Variants in NDUFA9 observed in about 807,000 individuals in gnomAD.
NDUFA9 encodes NADH dehydrogenase [ubiquinone] 1 alpha subcomplex subunit 9, mitochondrial.
In NDUFA9, 23 loss-of-function variants were observed where a neutral mutation model predicts 45.9. The observed-to-expected ratio is 0.50, with a 90% CI of 0.36 to 0.71. The LOEUF is 0.71. Ranked by LOEUF, NDUFA9 falls within the 30% of genes least tolerant of loss-of-function variation. The pLI is 0.00. For missense variants in NDUFA9, 466 were observed against 488.2 expected (o/e 0.95, Z 0.43); for synonymous variants, 176 against 170.5 (o/e 1.03, Z -0.25).
At chr12:4,674,542 G>A (rs1457339936) in intron 8 of NDUFA9, among the ~76,000 whole-genome samples, 1 of 152,146 alleles carries the variant, frequency 6.6e-6, no homozygotes, top group Non-Finnish European at 1.5e-5. Flanking sequence ...TGATAAAACA[G>A]ACTTTAAACC....
At chr12:4,683,098 TG>T (rs1341287546) in intron 9 of NDUFA9, among the ~76,000 whole-genome samples, 5 of 150,728 alleles carry the variant, frequency 3.3e-5, no homozygotes, top group Non-Finnish European at 7.4e-5. Context: ...CCCAGCTACT[TG>T]GGAGGCTGAG....
intron 8 of NDUFA9, among the ~76,000 whole-genome samples, chr12:4,676,587 A>G (rs1945921386): frequency 6.6e-6 from 1 of 152,200 alleles, no homozygotes; most frequent in Admixed American, 6.5e-5. Flanking sequence ...CAACTTAACA[A>G]GGGATGTGAA....
chr12:4,659,103 G>A lies in NDUFA9; in HGVS notation c.478G>A (p.Gly160Arg), dbSNP rs866070150. The A allele has an allele frequency of 6.2e-7, 1 of 1,612,056 alleles. No individual in the cohort carries two copies. ...AATTGCTCAACTGTCCAAGGAAGCT[G>A]GAGTTGAAAAATTCATTCATGTTTC... ...QAIAQLSKEAGVEKFIHVSHL... is the reference protein window; with the variant it reads ...QAIAQLSKEARVEKFIHVSHL... Residue 160 changes from glycine to arginine, a missense_variant, in exon 5 of 11, where the codon GGA becomes AGA. Gly to Arg is a moderately radical substitution (Grantham distance 125). Transcript: ENST00000266544.
In NDUFA9 at chr12:4,662,601, T is replaced by A. The variant is rs1416601245; in HGVS notation, c.621T>A (p.Phe207Leu). The A allele has an allele frequency of 1.9e-6, 3 of 1,613,822 alleles. No homozygotes were observed. Among genetic ancestry groups the A allele is most frequent in the Non-Finnish European group, 1.7e-6 (2 of 1,179,848 alleles). ...TTATCGTAAAGCCGTCGGACATCTT[T>A]GGAAGAGAGGATAGATTCCTTAATT... ...EAIIVKPSDIFGREDRFLNSF... is the reference protein window; with the variant it reads ...EAIIVKPSDILGREDRFLNSF... The change falls in exon 6 of 11, where the codon TTT becomes TTA. Residue 207 changes from phenylalanine to leucine, a missense_variant. Physicochemically the swap from Phe to Leu is conservative, Grantham distance 22. Transcript: ENST00000266544.
intron 9 of NDUFA9, among the ~76,000 whole-genome samples, chr12:4,683,149 T>C (rs1173311504): frequency 6.9e-6 from 1 of 145,528 alleles, no homozygotes; most frequent in East Asian, 2.0e-4. Context: ...GAATCCAGCC[T>C]GGACAACATA....
rs577495765 is a variant in NDUFA9, at chr12:4,685,080, G to A, written c.897-179G>A. 4.2e-6 allele frequency: 3 copies of A among 706,050 alleles called. No homozygotes were observed. In the South Asian group the frequency reaches 4.4e-5, roughly 10 times the overall value. 43.7% of individuals were successfully genotyped at this position (706,050 alleles called of 1,614,324 possible). A position where few individuals can be genotyped will look rare whatever the true frequency, so the allele number is the denominator to read the frequency against. ...ACAGCAGCCGACTGGGTTGGCTTGAGAGGAGATGGACCAAAAAGCAGAGGT... is the reference window on the plus strand; with the variant it reads ...ACAGCAGCCGACTGGGTTGGCTTGAAAGGAGATGGACCAAAAAGCAGAGGT... On this transcript the variant is annotated intron_variant, in intron 9 of 10. Transcript: ENST00000266544.
Position 4,687,304 on chromosome 12 carries a change from G to C in NDUFA9, c.*196G>C. ...CACTTAGAACTTGAGCATGATTTTT[G>C]TTAAACATATTTAATAATGATATAT... is the stretch of plus-strand genomic sequence containing the variant. On this transcript the variant is annotated 3_prime_UTR_variant, in exon 11 of 11. Coordinates refer to ENST00000266544, the MANE Select transcript of NDUFA9 (RefSeq NM_005002.5). 2.0e-6 allele frequency: 1 copy of C among 510,846 alleles called. No homozygotes were observed. The highest frequency in any genetic ancestry group is 3.5e-5 in the South Asian group (1 of 28,370). The allele number at this position is 510,846 out of a possible 1,614,324, so 31.6% of individuals were successfully genotyped here.
intron 9 of NDUFA9, 191 bp from the exon 10 acceptor site, chr12:4,685,068 G>A (rs762438947): frequency 2.6e-5 from 18 of 699,084 alleles, no homozygotes; most frequent in Non-Finnish European, 4.7e-5. Context: ...GCAGCCGACT[G>A]GGTTGGCTTG....
chr12:4,673,303 G>A (rs1335905616), intron 8 of NDUFA9, among the ~76,000 whole-genome samples: 1 of 152,140 alleles, frequency 6.6e-6, no homozygotes, highest in Non-Finnish European at 1.5e-5. Flanking sequence ...AAACCAGAAA[G>A]CCTCTTTTCC....
intron 8 of NDUFA9, among the ~76,000 whole-genome samples, chr12:4,681,895 A>G (rs1361449399): frequency 1.3e-5 from 2 of 152,160 alleles, no homozygotes; most frequent in Non-Finnish European, 1.5e-5. Flanking sequence ...GTCATGAAAC[A>G]TGCAATAAAA....
chr12:4,661,251 A>G (rs1945821679), intron 5 of NDUFA9, among the ~76,000 whole-genome samples: 2 of 152,172 alleles, frequency 1.3e-5, no homozygotes. Flanking sequence ...TTTTTCCTCT[A>G]CTGTCTTACA....
At chr12:4,653,094 T>A (rs1945768626) in intron 1 of NDUFA9, among the ~76,000 whole-genome samples, 1 of 152,288 alleles carries the variant, frequency 6.6e-6, no homozygotes, top group African/African-American at 2.4e-5. Flanking sequence ...TTTTTGTTTC[T>A]ACTTACATGA....
intron 9 of NDUFA9, chr12:4,685,017 G>C (rs1345115195): frequency 1.6e-6 from 1 of 622,762 alleles, no homozygotes; most frequent in East Asian, 2.7e-5. Flanking sequence ...TTTAAGATCT[G>C]TTGTTTCTTT....
Position 4,692,578 on chromosome 12 carries a change from A to C in NDUFA9, c.*5470A>C, listed in dbSNP as rs1284020952. 6.6e-6 allele frequency: 1 copy of C among 152,222 alleles called. No homozygotes were observed. The highest frequency in any genetic ancestry group is 1.5e-5 in the Non-Finnish European group (1 of 68,052). The allele number at this position is 152,222 out of a possible 1,614,324, so 9.4% of individuals were successfully genotyped here. On this transcript the variant is annotated 3_prime_UTR_variant, in exon 11 of 11. Coordinates refer to ENST00000266544, the MANE Select transcript of NDUFA9 (RefSeq NM_005002.5). ...TCGTGTTAGGAAGAAGCCTGTCTGA[A>C]GTGCAGTCAGGCTGAGGGGAGCATG...
chr12:4,681,806 G>T (rs1004236537), intron 8 of NDUFA9, among the ~76,000 whole-genome samples: 3 of 150,946 alleles, frequency 2.0e-5, no homozygotes, highest in African/African-American at 7.3e-5. Flanking sequence ...CATTATAAAA[G>T]AAAAAAATTT....
At chr12:4,654,791 A>C in intron 2 of NDUFA9, 34 bp from the exon 3 acceptor site, 1 of 1,479,488 alleles carries the variant, frequency 6.8e-7, no homozygotes, top group Non-Finnish European at 9.3e-7. Flanking sequence ...CATTATGTTA[A>C]TGTTGATCCT....
Position 4,672,075 on chromosome 12 carries a change from G to A in NDUFA9, c.800+2258G>A, listed in dbSNP as rs12370353. On this transcript the variant is annotated intron_variant, in intron 8 of 10. Transcript: ENST00000266544. ...CTCATTGGGACTGGTTGGACGGTGG[G>A]TGCAGCCCAAGGAGGGTGAGCCAAA... 6.7e-3 allele frequency among the ~76,000 whole-genome samples: 1,022 copies of A among 152,246 alleles called. 5 individuals carry two copies. Among genetic ancestry groups the A allele is most frequent in the South Asian group, 0.02 (95 of 4,822 alleles).
rs78307128 is a variant in NDUFA9 at position 4,665,368 on chromosome 12, C to A, written c.655+2733C>A. On this transcript the variant is annotated intron_variant, in intron 6 of 10. Transcript: ENST00000266544. The stretch of plus-strand genomic sequence containing the variant: ...TTCGTAGCTGGCTTATTTGACTTAG[C>A]ATAATATGCTCAAGGTGCATTCCTG... 3.1e-4 allele frequency among the ~76,000 whole-genome samples: 47 copies of A among 152,310 alleles called. No homozygotes were observed. The East Asian group carries it at 6.9e-3, about 22-fold the overall frequency.
intron 6 of NDUFA9, among the ~76,000 whole-genome samples, chr12:4,663,729 C>G (rs1945836974): frequency 6.6e-6 from 1 of 152,164 alleles, no homozygotes; most frequent in Admixed American, 6.5e-5. Context: ...GTAGCCTGAG[C>G]AGACCAAAAT....
Sources: gnomAD v4.1 joint callset for allele counts (sites outside exome capture counted in the v4.1 genomes callset) on GRCh38, gnomAD v4.1.1 for gene constraint, MANE v1.5 for transcripts, NCBI Gene and HGNC (gene_info 2026-07-23, HGNC 2026-07-21) for gene names.